The following SENP6 variants were observed in gnomAD, a reference collection of about 807,000 sequenced individuals.
The protein encoded by SENP6 is SUMO specific peptidase 6, also known as sentrin-specific protease 6.
In SENP6, 41 loss-of-function variants were observed where a neutral mutation model predicts 134.5. The ratio of observed to expected loss-of-function variants is 0.30; its 90% CI spans 0.24 to 0.40. SENP6 has a LOEUF of 0.40. Among genes scored for constraint, SENP6 ranks in the 10% least tolerant of loss-of-function variants. The pLI is 1.00. For synonymous variants in SENP6, 395 were observed against 429.8 expected (o/e 0.92, Z 1.00); for missense variants, 1,248 against 1,312.5 (o/e 0.95, Z 0.76).
chr6:75,691,631 G>A (rs536875737), intron 16 of SENP6, among the ~76,000 whole-genome samples: 85 of 150,524 alleles, frequency 5.6e-4, no homozygotes, highest in Non-Finnish European at 1.0e-3. Flanking sequence ...ACGGAGCCTC[G>A]CTCTGTTGCC....
chr6:75,682,547 C>G (rs1773538004), intron 16 of SENP6, among the ~76,000 whole-genome samples: 1 of 151,824 alleles, frequency 6.6e-6, no homozygotes, highest in African/African-American at 2.4e-5. Flanking sequence ...TAATGCTATC[C>G]CTCCCCCAGC....
At chr6:75,702,589 C>T in intron 18 of SENP6, 56 bp from the exon 19 acceptor site, 1 of 1,428,566 alleles carries the variant, frequency 7.0e-7, no homozygotes, top group South Asian at 1.5e-5. Context: ...TATGTATTGC[C>T]AAATATAATA....
intron 14 of SENP6, 87 bp from the exon 15 acceptor site, chr6:75,678,496 T>A (rs1773243728): frequency 1.4e-6 from 1 of 695,460 alleles, no homozygotes. Flanking sequence ...CCTTTTGCAT[T>A]GAAAAGCATT....
intron 9 of SENP6, among the ~76,000 whole-genome samples, chr6:75,664,431 G>A (rs1382268919): frequency 1.3e-5 from 2 of 151,724 alleles, no homozygotes; most frequent in African/African-American, 2.4e-5. Context: ...TATATGTCAG[G>A]TACTGTGCTA....
At chr6:75,674,171 A>T (rs1388625936) in intron 11 of SENP6, among the ~76,000 whole-genome samples, 7 of 79,654 alleles carry the variant, frequency 8.8e-5, no homozygotes, top group South Asian at 3.7e-4. Context: ...TTTTTTTTTT[A>T]AAAACGATAA....
At chr6:75,684,828 A>G (rs184209602) in intron 16 of SENP6, among the ~76,000 whole-genome samples, 10 of 152,328 alleles carry the variant, frequency 6.6e-5, no homozygotes, top group South Asian at 2.1e-4. Flanking sequence ...TTTCACATCA[A>G]TGTTCATCAG....
intron 23 of SENP6, among the ~76,000 whole-genome samples, chr6:75,714,139 C>T (rs1319050069): frequency 1.3e-5 from 2 of 152,148 alleles, no homozygotes; most frequent in South Asian, 2.1e-4. Context: ...CTCTTTTCTC[C>T]TCTTCATAGA....
chr6:75,617,584 G>T (rs1404680769), intron 1 of SENP6, among the ~76,000 whole-genome samples: 4 of 152,026 alleles, frequency 2.6e-5, no homozygotes, highest in Non-Finnish European at 5.9e-5. Flanking sequence ...GGCCGGTTTA[G>T]AGAACTTCTA....
chr6:75,707,498 G>A (rs1035940655), intron 19 of SENP6, among the ~76,000 whole-genome samples: 4 of 150,802 alleles, frequency 2.7e-5, no homozygotes. Context: ...TGAGTAGCTG[G>A]GACTATAGGC....
At chr6:75,676,741 G>A in intron 13 of SENP6, 1 of 227,444 alleles carries the variant, frequency 4.4e-6, no homozygotes, top group Non-Finnish European at 8.6e-6. Context: ...TATAGATTTA[G>A]ATTTATTAGA....
In SENP6 at chr6:75,632,010, C is replaced by G. The variant is rs73453074; in HGVS notation, c.208-1571C>G. Among the ~76,000 whole-genome samples, 112 of 152,246 alleles carry G rather than the reference C, an allele frequency of 7.4e-4. 2 individuals carry two copies. The highest frequency in any genetic ancestry group is 2.6e-3 in the African/African-American group (109 of 41,558). On this transcript the variant is annotated intron_variant, in intron 3 of 23. Transcript: ENST00000447266. ...AGGCAGATATTTTTTGTTTTTGTTT[C>G]TGGGAGCGTGTGGGTTCTTAAACAC... is the stretch of plus-strand genomic sequence containing the variant.
At chr6:75,688,197 C>T (rs761450201) in intron 16 of SENP6, among the ~76,000 whole-genome samples, 4 of 152,186 alleles carry the variant, frequency 2.6e-5, no homozygotes, top group Admixed American at 6.5e-5. Context: ...TGGGAGCCGC[C>T]GAGCCAGGCA....
chr6:75,622,460 G>A (rs1768347854), intron 2 of SENP6, among the ~76,000 whole-genome samples: 1 of 152,198 alleles, frequency 6.6e-6, no homozygotes, highest in Non-Finnish European at 1.5e-5. Context: ...TCAGGAGGCT[G>A]AGGCAGGAGA....
rs1326592860 is a variant in SENP6, at chr6:75,640,683, G to A, written c.459-1G>A. 3.9e-6 allele frequency: 6 copies of A among 1,527,994 alleles called. No homozygotes were observed. In the South Asian group the frequency reaches 5.3e-5, roughly 14 times the overall value. 94.7% of individuals were successfully genotyped at this position (1,527,994 alleles called of 1,614,324 possible). On this transcript the variant is annotated splice_acceptor_variant, in intron 5 of 23. Transcript: ENST00000447266. LOFTEE classifies it high-confidence loss of function. ...ATTTTTTTTCTTTTTCATGTTTTAA[G>A]CAGTCTGGACCGAAAAGAAAGGTAA... is the stretch of plus-strand genomic sequence containing the variant.
Position 75,678,926 on chromosome 6 carries a change from A to G in SENP6, c.2074A>G (p.Lys692Glu). Reference sequence around the variant, plus strand: ...TGATGTTATTATAGACTTTTATTTGAAGTAAGTTAATTTTCCACTGATCTT... The same window carrying G: ...TGATGTTATTATAGACTTTTATTTGGAGTAAGTTAATTTTCCACTGATCTT... ...LNDVIIDFYL[K>E]YLVLEKLKKE... Residue 692 changes from lysine (K) to glutamate (E), a missense_variant and splice_region_variant, in exon 16 of 24, where the codon AAA becomes GAA. Around this residue, in one of 3 missense-constraint regions of SENP6, gnomAD observed 129 missense variants for 192.0 expected, o/e 0.67. Coordinates refer to ENST00000447266, the MANE Select transcript of SENP6 (RefSeq NM_015571.4). The G allele has an allele frequency of 1.5e-6, 2 of 1,328,050 alleles. No homozygotes were observed. Among genetic ancestry groups the G allele is most frequent in the Non-Finnish European group, 2.2e-6 (2 of 929,902 alleles). The allele number at this position is 1,328,050 out of a possible 1,614,324, so 82.3% of individuals were successfully genotyped here.
At chr6:75,626,388 A>G (rs989472155) in intron 3 of SENP6, among the ~76,000 whole-genome samples, 1 of 152,000 alleles carries the variant, frequency 6.6e-6, no homozygotes, top group Non-Finnish European at 1.5e-5. Flanking sequence ...TGGAAAAACT[A>G]TACACACTGT....
intron 9 of SENP6, 70 bp from the exon 10 acceptor site, chr6:75,666,642 G>T: frequency 1.4e-5 from 11 of 797,464 alleles, no homozygotes; most frequent in Admixed American, 4.5e-5. Context: ...CATTTTTAAT[G>T]GACAGAAATG....
intron 10 of SENP6, among the ~76,000 whole-genome samples, chr6:75,667,420 TCTTAA>T (rs1297132112): frequency 1.3e-5 from 2 of 152,156 alleles, no homozygotes; most frequent in African/African-American, 4.8e-5. Context: ...GACTGAGAAC[TCTTAA>T]AAATTACAGG....
At chr6:75,682,913 A>AATGGGATT in intron 16 of SENP6, among the ~76,000 whole-genome samples, 1 of 152,186 alleles carries the variant, frequency 6.6e-6, no homozygotes, top group East Asian at 1.9e-4. Flanking sequence ...TCCTTTGGGT[A>AATGGGATT]TATACCAGGT....
Sources: gnomAD v4.1 joint callset for allele counts (sites outside exome capture counted in the v4.1 genomes callset) on GRCh38, gnomAD v4.1.1 for gene constraint, gnomAD v4.1.1 regional missense constraint, MANE v1.5 for transcripts, NCBI Gene and HGNC (gene_info 2026-07-23, HGNC 2026-07-21) for gene names.